DENND1B: variants seen among roughly 807,000 people sequenced by gnomAD.
DENND1B encodes the protein DENN domain containing 1B, also known as DENN domain-containing protein 1B.
Under a neutral mutation model 90.1 loss-of-function variants are expected in DENND1B, and 59 were observed. The ratio of observed to expected loss-of-function variants is 0.65; its 90% CI spans 0.53 to 0.81. The LOEUF (loss-of-function observed/expected upper bound fraction) is 0.81, where lower values mean the gene tolerates loss of function less well. DENND1B is among the 40% of genes least tolerant of loss of function. DENND1B has a pLI of 0.00. For synonymous variants in DENND1B, 337 were observed against 324.6 expected (o/e 1.04, Z -0.41); for missense variants, 862 against 912.6 (o/e 0.94, Z 0.71).
intron 18 of DENND1B, among the ~76,000 whole-genome samples, chr1:197,543,304 A>G (rs544883601): frequency 1.3e-3 from 195 of 152,314 alleles, no homozygotes; most frequent in Non-Finnish European, 2.5e-3. Flanking sequence ...AAAATACTCC[A>G]CTGATTAGAA....
intron 5 of DENND1B, among the ~76,000 whole-genome samples, chr1:197,661,270 G>A (rs980812016): frequency 6.6e-6 from 1 of 151,724 alleles, no homozygotes; most frequent in Non-Finnish European, 1.5e-5. Context: ...TAAATATAAT[G>A]CAAATCAGCA....
chr1:197,516,917 C>T (rs988940990), intron 20 of DENND1B, among the ~76,000 whole-genome samples: 1 of 151,762 alleles, frequency 6.6e-6, no homozygotes, highest in African/African-American at 2.4e-5. Context: ...GTGACTTATC[C>T]TTCAACATCC....
intron 2 of DENND1B, among the ~76,000 whole-genome samples, chr1:197,746,108 C>T (rs761504822): frequency 3.9e-5 from 6 of 152,126 alleles, no homozygotes; most frequent in Non-Finnish European, 8.8e-5. Context: ...TAAGAAAGTA[C>T]AAGGCCAGCA....
At chr1:197,571,542 T>C (rs11805909) in intron 15 of DENND1B, among the ~76,000 whole-genome samples, 1 of 152,222 alleles carries the variant, frequency 6.6e-6, no homozygotes, top group African/African-American at 2.4e-5. Context: ...GTAGTGCCTT[T>C]TCTAGTCACT....
At chr1:197,565,767 A>C (rs1248109290) in intron 15 of DENND1B, among the ~76,000 whole-genome samples, 7 of 150,330 alleles carry the variant, frequency 4.7e-5, no homozygotes, top group Non-Finnish European at 1.0e-4. Context: ...GCGATAGTTT[A>C]CTGAGAATGA....
intron 9 of DENND1B, 130 bp from the exon 10 acceptor site, chr1:197,642,951 A>G: frequency 1.7e-6 from 1 of 599,744 alleles, no homozygotes; most frequent in Non-Finnish European, 2.9e-6. Flanking sequence ...TATTAAAATA[A>G]TTAAGTGTAA....
intron 3 of DENND1B, among the ~76,000 whole-genome samples, chr1:197,685,904 G>T (rs1657185970): frequency 6.6e-6 from 1 of 152,152 alleles, no homozygotes; most frequent in Non-Finnish European, 1.5e-5. Flanking sequence ...ACTTCCTGCT[G>T]ATGTAATCTT....
chr1:197,658,148 G>A, intron 6 of DENND1B, 152 bp downstream of exon 6: 1 of 678,746 alleles, frequency 1.5e-6, no homozygotes, highest in Non-Finnish European at 2.6e-6. Flanking sequence ...GTTTTAGACT[G>A]GCAAGGAAAA....
At chr1:197,751,605 A>G (rs1000836930) in intron 2 of DENND1B, among the ~76,000 whole-genome samples, 1 of 152,164 alleles carries the variant, frequency 6.6e-6, no homozygotes, top group Non-Finnish European at 1.5e-5. Flanking sequence ...GCACTTTGGG[A>G]GGCCGAGGTG....
At chr1:197,603,419 T>C (rs1344673521) in intron 13 of DENND1B, among the ~76,000 whole-genome samples, 2 of 151,296 alleles carry the variant, frequency 1.3e-5, no homozygotes, top group African/African-American at 4.8e-5. Flanking sequence ...CAGTATACTT[T>C]CTGTGCCTTG....
chr1:197,562,029 A>G (rs976163351), intron 15 of DENND1B, among the ~76,000 whole-genome samples: 5 of 151,800 alleles, frequency 3.3e-5, no homozygotes, highest in Admixed American at 6.6e-5. Flanking sequence ...TATTCCAGGA[A>G]ATCTACATTG....
intron 15 of DENND1B, among the ~76,000 whole-genome samples, chr1:197,571,124 C>T (rs1673114324): frequency 6.6e-6 from 1 of 152,152 alleles, no homozygotes; most frequent in Non-Finnish European, 1.5e-5. Context: ...CTACCACCAT[C>T]ACTTCTCTCC....
At chr1:197,663,980 T>C (rs1654679330) in intron 5 of DENND1B, among the ~76,000 whole-genome samples, 1 of 151,482 alleles carries the variant, frequency 6.6e-6, no homozygotes, top group Non-Finnish European at 1.5e-5. Context: ...CAACATCATT[T>C]TTAAAAAGAA....
At chr1:197,776,275 C>T (rs571287286), upstream of DENND1B, among the ~76,000 whole-genome samples, 2 of 152,336 alleles carry the variant, frequency 1.3e-5, no homozygotes, top group South Asian at 2.1e-4. Flanking sequence ...CAGCATTTTA[C>T]AGATGAAGAA....
intron 12 of DENND1B, among the ~76,000 whole-genome samples, chr1:197,611,714 T>C (rs1677195125): frequency 6.6e-6 from 1 of 150,774 alleles, no homozygotes; most frequent in South Asian, 2.1e-4. Context: ...ACATAACCTA[T>C]TTTTATGGAT....
At chr1:197,755,735 G>A (rs569935494) in intron 2 of DENND1B, among the ~76,000 whole-genome samples, 22 of 152,300 alleles carry the variant, frequency 1.4e-4, no homozygotes, top group Admixed American at 2.6e-4. Context: ...TCACAACCAC[G>A]GTGGAAGGCA....
At chr1:197,587,805 T>C (rs896240551) in intron 14 of DENND1B, among the ~76,000 whole-genome samples, 2 of 152,198 alleles carry the variant, frequency 1.3e-5, no homozygotes, top group Non-Finnish European at 2.9e-5. Flanking sequence ...GAAATAATTC[T>C]ACAACTCACT....
At chr1:197,750,570 C>CTAGA (rs57505824) in intron 2 of DENND1B, among the ~76,000 whole-genome samples, 39,207 of 149,070 alleles carry the variant, frequency 0.26, 5,131 homozygotes, top group African/African-American at 0.29. Flanking sequence ...AAAAGCAAAC[C>CTAGA]TAGATAGATA....
intron 7 of DENND1B, among the ~76,000 whole-genome samples, chr1:197,651,305 A>C (rs551574384): frequency 3.3e-5 from 5 of 152,240 alleles, no homozygotes; most frequent in Non-Finnish European, 5.9e-5. Flanking sequence ...TTTGAACTTT[A>C]AGCATTTACA....
Sources: allele counts gnomAD v4.1 joint callset (sites outside exome capture counted in the v4.1 genomes callset), GRCh38; gene constraint gnomAD v4.1.1; transcripts MANE v1.5; gene names NCBI Gene and HGNC (gene_info 2026-07-23, HGNC 2026-07-21).